The following PHTF1 variants were observed in gnomAD, a reference collection of about 807,000 sequenced individuals.
PHTF1 encodes protein PHTF1.
Under a neutral mutation model 102.4 loss-of-function variants are expected in PHTF1, and 88 were observed. That is an observed-to-expected ratio of 0.86 (90% CI 0.72 to 1.03). The LOEUF (loss-of-function observed/expected upper bound fraction) is 1.03. Ranked by LOEUF, PHTF1 falls within the 50% of genes least tolerant of loss-of-function variation. PHTF1 has a pLI of 0.00. For missense variants in PHTF1, 814 were observed against 909.5 expected, an observed-to-expected ratio of 0.89 and a Z score of 1.35; for synonymous variants, 289 against 305.2, an observed-to-expected ratio of 0.95 and a Z score of 0.55.
intron 7 of PHTF1, among the ~76,000 whole-genome samples, chr1:113,717,205 A>AT (rs1342197142): frequency 1.3e-5 from 2 of 152,124 alleles, no homozygotes; most frequent in Non-Finnish European, 1.5e-5. Context: ...TAACCCCCAA[A>AT]TTAAAAAAAT....
intron 6 of PHTF1, chr1:113,725,395 T>C (rs1214702939): frequency 6.6e-6 from 1 of 152,218 alleles, no homozygotes; most frequent in African/African-American, 2.4e-5. Context: ...TTTAACTGAA[T>C]TTACAAGAAA....
chr1:113,710,153 T>C (rs949661414), intron 11 of PHTF1, 101 bp downstream of exon 11: 1 of 813,516 alleles, frequency 1.2e-6, no homozygotes, highest in Non-Finnish European at 2.1e-6. Context: ...TAATAGTATC[T>C]ACCCTACAGG....
chr1:113,723,796 C>T (rs1469200624), intron 7 of PHTF1, among the ~76,000 whole-genome samples: 1 of 152,086 alleles, frequency 6.6e-6, no homozygotes, highest in Non-Finnish European at 1.5e-5. Flanking sequence ...AGTTAAAAAG[C>T]ATCTATATAG....
At position 113,738,705 on chromosome 1, in the gene PHTF1, C is replaced by T. The variant is rs755733357; in HGVS notation, c.172+25G>A. 6 of 1,375,282 alleles carry T rather than the reference C, an allele frequency of 4.4e-6. No individual in the cohort carries two copies. The South Asian group carries it at 6.3e-5, about 14-fold the overall frequency. 85.2% of individuals were successfully genotyped at this position (1,375,282 alleles called of 1,614,324 possible). A position where few individuals can be genotyped will look rare whatever the true frequency, so the allele number is the denominator to read the frequency against. ...CCCTGTGAAATAATATAATAATGTACATAAAAAACAATTTTAAGACTAACC... is the reference window on the plus strand; with the variant it reads ...CCCTGTGAAATAATATAATAATGTATATAAAAAACAATTTTAAGACTAACC... On this transcript the variant is annotated intron_variant, in intron 4 of 18. Coordinates refer to ENST00000369604, the MANE Select transcript of PHTF1 (RefSeq NM_001323043.2).
intron 5 of PHTF1, 22 bp downstream of exon 5, chr1:113,738,088 T>A: frequency 6.5e-7 from 1 of 1,545,346 alleles, no homozygotes. Context: ...CTGTCATTGC[T>A]TATTCCAATT....
chr1:113,723,015 C>T (rs987152539), intron 7 of PHTF1, among the ~76,000 whole-genome samples: 9 of 151,410 alleles, frequency 5.9e-5, no homozygotes, highest in African/African-American at 1.9e-4. Context: ...CCAAAGCTAT[C>T]GTAAGTAAAA....
chr1:113,736,261 G>A (rs575335538), intron 5 of PHTF1, among the ~76,000 whole-genome samples: 4 of 148,772 alleles, frequency 2.7e-5, no homozygotes, highest in African/African-American at 9.9e-5. Flanking sequence ...GGAATGGCGT[G>A]AACCCAGGAG....
chr1:113,753,135 G>C (rs1403323629), intron 3 of PHTF1, among the ~76,000 whole-genome samples: 2 of 152,206 alleles, frequency 1.3e-5, no homozygotes, highest in African/African-American at 4.8e-5. Context: ...GGTCATAGTA[G>C]ATAAGCCATT....
intron 3 of PHTF1, among the ~76,000 whole-genome samples, chr1:113,757,003 T>G (rs1245291763): frequency 6.6e-6 from 1 of 151,866 alleles, no homozygotes; most frequent in East Asian, 1.9e-4. Flanking sequence ...CCGTCTCTAC[T>G]AAAAATACAA....
At chr1:113,710,810 A>ATTT (rs71590573) in intron 10 of PHTF1, among the ~76,000 whole-genome samples, 7 of 122,688 alleles carry the variant, frequency 5.7e-5, no homozygotes, top group East Asian at 2.5e-4. Flanking sequence ...ATATATATAT[A>ATTT]TTTTTTTTTT....
At chr1:113,752,342 G>A (rs1055117002) in intron 3 of PHTF1, among the ~76,000 whole-genome samples, 2 of 137,524 alleles carry the variant, frequency 1.5e-5, no homozygotes, top group Non-Finnish European at 3.1e-5. Context: ...TTTGTGTACT[G>A]ATCTTGTATT....
At chr1:113,706,854 T>C in intron 11 of PHTF1, 132 bp from the exon 12 acceptor site, 1 of 229,322 alleles carries the variant, frequency 4.4e-6, no homozygotes, top group Non-Finnish European at 7.9e-6. Context: ...TTTCTTTCTT[T>C]TTTTTTTTTT....
chr1:113,714,960 A>G (rs1274837100), intron 7 of PHTF1: 1 of 152,330 alleles, frequency 6.6e-6, no homozygotes, highest in Non-Finnish European at 1.5e-5. Flanking sequence ...GGAGAAAGTT[A>G]GGGAAGAGAA....
intron 3 of PHTF1, among the ~76,000 whole-genome samples, chr1:113,743,123 A>C (rs1046832128): frequency 6.6e-6 from 1 of 152,192 alleles, no homozygotes; most frequent in Non-Finnish European, 1.5e-5. Flanking sequence ...CTGTTCTATG[A>C]TAACTTAACC....
At chr1:113,707,317 G>C (rs116712185) in intron 11 of PHTF1, among the ~76,000 whole-genome samples, 1 of 152,122 alleles carries the variant, frequency 6.6e-6, no homozygotes, top group Non-Finnish European at 1.5e-5. Context: ...AGCTCAAGTG[G>C]AGACAGTCAC....
chr1:113,712,755 CCTACTG>C (rs1651321449), intron 8 of PHTF1, among the ~76,000 whole-genome samples: 3 of 152,036 alleles, frequency 2.0e-5, no homozygotes, highest in African/African-American at 7.3e-5. Flanking sequence ...AATCTACCAG[CCTACTG>C]CTAAGGCTGG....
At chr1:113,730,488 A>G (rs1414566171) in intron 5 of PHTF1, among the ~76,000 whole-genome samples, 1 of 152,220 alleles carries the variant, frequency 6.6e-6, no homozygotes. Flanking sequence ...ATTGGGTGAA[A>G]GTAAATGAAA....
intron 3 of PHTF1, among the ~76,000 whole-genome samples, chr1:113,749,010 C>T (rs772446967): frequency 7.4e-4 from 113 of 152,072 alleles, no homozygotes; most frequent in Non-Finnish European, 1.5e-3. Context: ...ATATACATTA[C>T]CTCACATGGT....
intron 8 of PHTF1, 109 bp downstream of exon 8, chr1:113,713,170 G>C (rs1252545408): frequency 9.4e-6 from 9 of 958,836 alleles, no homozygotes; most frequent in African/African-American, 1.7e-5. Flanking sequence ...TTACTTGTTA[G>C]GACAAATTTA....
Sources: allele counts gnomAD v4.1 joint callset (sites outside exome capture counted in the v4.1 genomes callset), GRCh38; gene constraint gnomAD v4.1.1; transcripts MANE v1.5; gene names NCBI Gene and HGNC (gene_info 2026-07-23, HGNC 2026-07-21).